ITGA8: variants seen among roughly 807,000 people sequenced by gnomAD.
ITGA8 encodes integrin subunit alpha 8, also known as integrin alpha-8.
A neutral mutation model predicts 142.3 loss-of-function variants in ITGA8; 91 were observed. That is an observed-to-expected ratio of 0.64 (90% CI 0.54 to 0.76). ITGA8 has a LOEUF of 0.76. Among genes scored for constraint, ITGA8 ranks in the 30% least tolerant of loss-of-function variants. The pLI is 0.00. For synonymous variants in ITGA8, 505 were observed against 485.2 expected (o/e 1.04, Z -0.54); for missense variants, 1,406 against 1,327.7 (o/e 1.06, Z -0.92).
chr10:15,574,790 A>G (rs563479801), intron 24 of ITGA8, among the ~76,000 whole-genome samples: 23 of 152,080 alleles, frequency 1.5e-4, no homozygotes, highest in African/African-American at 5.5e-4. Context: ...ATTCAGTTTA[A>G]AAGATGAGTG....
intron 25 of ITGA8, among the ~76,000 whole-genome samples, chr10:15,571,780 C>T (rs1442880639): frequency 2.0e-5 from 3 of 152,190 alleles, no homozygotes; most frequent in South Asian, 2.1e-4. Context: ...CAAATTGCCA[C>T]GGTTCACCAC....
At chr10:15,661,547 C>T (rs995472774) in intron 8 of ITGA8, among the ~76,000 whole-genome samples, 2 of 152,192 alleles carry the variant, frequency 1.3e-5, no homozygotes, top group African/African-American at 2.4e-5. Flanking sequence ...GTCTTCATTA[C>T]GAGTCTCTCT....
At chr10:15,575,997 C>A (rs1834288616) in intron 23 of ITGA8, among the ~76,000 whole-genome samples, 1 of 151,582 alleles carries the variant, frequency 6.6e-6, no homozygotes, top group Non-Finnish European at 1.5e-5. Flanking sequence ...GTTATTTAAT[C>A]CCTGCTTTAA....
chr10:15,631,414 C>T (rs7077879), intron 13 of ITGA8, among the ~76,000 whole-genome samples: 27,528 of 151,628 alleles, frequency 0.18, 3,043 homozygotes, highest in Admixed American at 0.29. Flanking sequence ...ATGTCCTTTG[C>T]GGGGACATGG....
intron 13 of ITGA8, among the ~76,000 whole-genome samples, chr10:15,616,764 G>A (rs767337555): frequency 2.0e-5 from 3 of 152,118 alleles, no homozygotes; most frequent in African/African-American, 4.8e-5. Flanking sequence ...ACGTCCATCA[G>A]TGGATCTCAA....
chr10:15,592,288 C>T lies in ITGA8; in HGVS notation c.2228G>A (p.Arg743Gln), dbSNP rs953130704. The T allele has an allele frequency of 1.2e-5, 19 of 1,612,866 alleles. No homozygotes were observed. The highest frequency in any genetic ancestry group is 6.7e-5 in the African/African-American group (5 of 74,886). The change falls in exon 22 of 30, where the codon CGA (arginine) becomes CAA (glutamine). Residue 743 changes from arginine (R) to glutamine (Q), a missense_variant. Physicochemically the swap from Arg to Gln is conservative, Grantham distance 43. Coordinates refer to ENST00000378076, the MANE Select transcript of ITGA8 (RefSeq NM_003638.3). The stretch of plus-strand genomic sequence containing the variant: ...TTTCTCAAGACGTGGAACTGCAAAT[C>T]GGAGGCCCAGGGAATACTAAAAAAT... ...VSGTNYSLGL[R>Q]FAVPRLEKTN...
At chr10:15,588,169 A>T (rs1832864058) in intron 22 of ITGA8, among the ~76,000 whole-genome samples, 1 of 152,220 alleles carries the variant, frequency 6.6e-6, no homozygotes, top group Non-Finnish European at 1.5e-5. Flanking sequence ...AGCTTTCCAA[A>T]TGCGAGAGCT....
At chr10:15,565,378 G>GTTTTT (rs1834059102) in intron 25 of ITGA8, among the ~76,000 whole-genome samples, 1 of 151,728 alleles carries the variant, frequency 6.6e-6, no homozygotes, top group East Asian at 1.9e-4. Context: ...GTTTTGTTTT[G>GTTTTT]TTCTGTTTTT....
At chr10:15,595,881 C>T (rs537385318) in intron 21 of ITGA8, among the ~76,000 whole-genome samples, 12 of 152,226 alleles carry the variant, frequency 7.9e-5, no homozygotes, top group South Asian at 2.1e-4. Flanking sequence ...GCCTGGCCCC[C>T]GTCTCTACTA....
intron 15 of ITGA8, among the ~76,000 whole-genome samples, chr10:15,612,029 C>T (rs1334604767): frequency 2.6e-5 from 4 of 152,142 alleles, no homozygotes; most frequent in Non-Finnish European, 5.9e-5. Flanking sequence ...AGTAGCAACT[C>T]TCACAGTTCA....
chr10:15,693,039 C>T (rs1374275378), intron 2 of ITGA8, among the ~76,000 whole-genome samples: 1 of 151,980 alleles, frequency 6.6e-6, no homozygotes, highest in East Asian at 1.9e-4. Context: ...TGCACTCCAG[C>T]CTGGGCAACA....
chr10:15,654,543 G>T (rs1411260561), intron 11 of ITGA8, among the ~76,000 whole-genome samples: 2 of 152,162 alleles, frequency 1.3e-5, no homozygotes, highest in African/African-American at 4.8e-5. Flanking sequence ...CTATATAAAG[G>T]TCACATAAAA....
chr10:15,595,432 T>A (rs1219887891), intron 21 of ITGA8, among the ~76,000 whole-genome samples: 1 of 152,202 alleles, frequency 6.6e-6, no homozygotes, highest in African/African-American at 2.4e-5. Flanking sequence ...AAGAATGAGA[T>A]AAGAAAGCTA....
At chr10:15,679,002 A>T (rs1477814521) in intron 4 of ITGA8, among the ~76,000 whole-genome samples, 8 of 152,186 alleles carry the variant, frequency 5.3e-5, no homozygotes, top group Non-Finnish European at 2.9e-5. Context: ...CTCTAGTAAG[A>T]TCAACAGGAA....
intron 11 of ITGA8, among the ~76,000 whole-genome samples, chr10:15,649,814 A>T (rs923521301): frequency 6.6e-6 from 1 of 152,192 alleles, no homozygotes. Flanking sequence ...ATTGGCAAGG[A>T]TGTAGAACAA....
At chr10:15,670,040 T>C (rs1028038866) in intron 8 of ITGA8, among the ~76,000 whole-genome samples, 3 of 152,118 alleles carry the variant, frequency 2.0e-5, no homozygotes, top group Admixed American at 6.5e-5. Context: ...TCTTCAAAGC[T>C]CAGTTGGAAA....
intron 13 of ITGA8, among the ~76,000 whole-genome samples, chr10:15,635,512 G>A (rs1833758525): frequency 6.6e-6 from 1 of 152,008 alleles, no homozygotes; most frequent in South Asian, 2.1e-4. Flanking sequence ...ATCACACGTG[G>A]GAGAACTGGT....
intron 8 of ITGA8, among the ~76,000 whole-genome samples, chr10:15,668,213 T>C (rs1243316010): frequency 6.6e-6 from 1 of 152,122 alleles, no homozygotes; most frequent in African/African-American, 2.4e-5. Flanking sequence ...CTGTATTGGG[T>C]GCATATATAT....
intron 3 of ITGA8, among the ~76,000 whole-genome samples, chr10:15,684,928 G>C (rs2131704869): frequency 6.6e-6 from 1 of 152,266 alleles, no homozygotes; most frequent in South Asian, 2.1e-4. Context: ...ACGCCCCCTA[G>C]TTTATCACGG....
Sources: gnomAD v4.1 joint callset for allele counts (sites outside exome capture counted in the v4.1 genomes callset) on GRCh38, gnomAD v4.1.1 for gene constraint, MANE v1.5 for transcripts, NCBI Gene and HGNC (gene_info 2026-07-23, HGNC 2026-07-21) for gene names.